Variants in USPL1 observed in about 807,000 individuals in gnomAD.
The protein encoded by USPL1 is SUMO-specific isopeptidase USPL1.
Under a neutral mutation model 51.5 loss-of-function variants are expected in USPL1, and 27 were observed. The observed-to-expected ratio is 0.52, with a 90% CI of 0.39 to 0.72. The LOEUF (loss-of-function observed/expected upper bound fraction) is 0.72. USPL1 is among the 30% of genes least tolerant of loss of function. The pLI is 0.00. For synonymous variants in USPL1, 451 were observed against 459.6 expected (o/e 0.98, Z 0.24); for missense variants, 1,226 against 1,268.0 (o/e 0.97, Z 0.50).
rs61682331 is a variant in USPL1 at position 30,633,784 on chromosome 13, CAAAAAAAAA to C, written c.868+2326_868+2334del. Among the ~76,000 whole-genome samples, 4 of 41,274 alleles carry C rather than the reference CAAAAAAAAA, an allele frequency of 9.7e-5. No individual in the cohort carries two copies. The East Asian group carries it at 2.6e-3, about 27-fold the overall frequency. The allele number at this position is 41,274 out of a possible 152,430, so 27.1% of individuals were successfully genotyped here. ...TGGGTGATAGAATGAGACTCTGTCT[CAAAAAAAAA>C]AAAAAAAAAAAAAAAGTAAAGTAAA... On this transcript the variant is annotated intron_variant, in intron 4 of 8. Transcript: ENST00000255304.
In USPL1 at chr13:30,631,359, A is replaced by G. The variant is rs1372402862; in HGVS notation, c.753A>G (p.Leu251=). The G allele has an allele frequency of 6.2e-7, 1 of 1,614,102 alleles. No individual in the cohort carries two copies. The highest frequency in any genetic ancestry group is 1.3e-5 in the African/African-American group (1 of 74,930). The stretch of plus-strand genomic sequence containing the variant: ...CAGCTTTGGTGCACTCGGAAGAGTT[A>G]AAGAACACCGTGACTGGACTGTGCT... The part of the protein sequence containing the change: ...ILSALVHSEE[L]KNTVTGLCSK... Residue 251 remains leucine (L), a synonymous_variant, in exon 4 of 9, where the codon TTA becomes TTG. Transcript: ENST00000255304.
chr13:30,653,705 C>G (rs1304838197), intron 8 of USPL1, among the ~76,000 whole-genome samples: 1 of 152,130 alleles, frequency 6.6e-6, no homozygotes, highest in Non-Finnish European at 1.5e-5. Flanking sequence ...AGTTTACTAA[C>G]AGCTACCATC....
intron 2 of USPL1, 107 bp downstream of exon 2, chr13:30,621,346 C>T (rs1302641840): frequency 3.8e-6 from 3 of 789,460 alleles, no homozygotes; most frequent in African/African-American, 3.5e-5. Context: ...AAAATTGTGT[C>T]TTCCACGGAA....
chr13:30,631,608 C>T (rs527575601), intron 4 of USPL1, 134 bp downstream of exon 4: 3 of 819,488 alleles, frequency 3.7e-6, no homozygotes, highest in African/African-American at 1.7e-5. Context: ...TCAGGTGGGC[C>T]TCCCACCTCA....
chr13:30,641,955 G>T (rs1174079295), intron 5 of USPL1, among the ~76,000 whole-genome samples: 1 of 151,340 alleles, frequency 6.6e-6, no homozygotes. Flanking sequence ...CACCCAGGCT[G>T]GTATGCAGCG....
chr13:30,655,419 CTT>C (rs1332513645), intron 8 of USPL1, among the ~76,000 whole-genome samples: 2 of 152,144 alleles, frequency 1.3e-5, no homozygotes, highest in African/African-American at 4.8e-5. Flanking sequence ...GGAAAGGTCT[CTT>C]TCTCCTTTCT....
chr13:30,642,546 A>ATAGT (rs1413132051), intron 5 of USPL1, 82 bp from the exon 6 acceptor site: 4 of 1,520,006 alleles, frequency 2.6e-6, no homozygotes, highest in African/African-American at 1.4e-5. Flanking sequence ...AAATATAGTA[A>ATAGT]GAAAAGACAA....
At chr13:30,629,166 T>C (rs1950763805) in intron 3 of USPL1, among the ~76,000 whole-genome samples, 1 of 152,196 alleles carries the variant, frequency 6.6e-6, no homozygotes, top group Non-Finnish European at 1.5e-5. Flanking sequence ...ATTTCAGTTA[T>C]CTGTTGGTGT....
intron 5 of USPL1, among the ~76,000 whole-genome samples, chr13:30,640,551 C>T (rs1398920724): frequency 1.3e-5 from 2 of 151,936 alleles, no homozygotes; most frequent in African/African-American, 4.8e-5. Flanking sequence ...ATTAGCCGGA[C>T]GTGGTGTAGG....
At chr13:30,624,761 A>G (rs984639584) in intron 3 of USPL1, among the ~76,000 whole-genome samples, 1 of 152,272 alleles carries the variant, frequency 6.6e-6, no homozygotes, top group African/African-American at 2.4e-5. Flanking sequence ...TACTTCTGAA[A>G]TACACAGAAA....
intron 5 of USPL1, 33 bp from the exon 6 acceptor site, chr13:30,642,595 T>C (rs1449405583): frequency 6.3e-7 from 1 of 1,591,782 alleles, no homozygotes; most frequent in Admixed American, 1.9e-5. Context: ...CATTATTGAT[T>C]ATGAGCAGTA....
intron 3 of USPL1, among the ~76,000 whole-genome samples, chr13:30,627,294 CAT>C (rs1324253929): frequency 6.6e-6 from 1 of 151,734 alleles, no homozygotes; most frequent in Non-Finnish European, 1.5e-5. Flanking sequence ...ATATTTAGAA[CAT>C]GTGGAAAGAG....
At chr13:30,627,975 C>A (rs1566047718) in intron 3 of USPL1, among the ~76,000 whole-genome samples, 1 of 151,428 alleles carries the variant, frequency 6.6e-6, no homozygotes, top group Non-Finnish European at 1.5e-5. Context: ...CCTGCGGGTT[C>A]AAGCAGTTCT....
chr13:30,647,155 T>A (rs887023000), intron 7 of USPL1, 98 bp downstream of exon 7: 2 of 1,309,444 alleles, frequency 1.5e-6, no homozygotes, highest in East Asian at 4.9e-5. Flanking sequence ...CAACTTACCT[T>A]TCTGAAATTT....
chr13:30,621,913 A>T, intron 3 of USPL1, 21 bp downstream of exon 3: 1 of 1,384,660 alleles, frequency 7.2e-7, no homozygotes. Flanking sequence ...AATCTTATAT[A>T]GTATATATAA....
chr13:30,658,091 G>C lies in USPL1; in HGVS notation c.2014G>C (p.Asp672His). 6.2e-7 allele frequency: 1 copy of C among 1,613,412 alleles called. No homozygotes were observed. Among genetic ancestry groups the C allele is most frequent in the South Asian group, 1.1e-5 (1 of 90,974 alleles). ...GCAGTCAGTACAGCTGAATACAGAA[G>C]ATACTGTAAATACTAAATCTGTGAA... ...NMQSVQLNTE[D>H]TVNTKSVNNT... The change falls in exon 9 of 9, where the codon GAT becomes CAT. Residue 672 changes from aspartate (D) to histidine (H), a missense_variant. Asp to His is a moderately conservative substitution (Grantham distance 81). Coordinates refer to ENST00000255304, the MANE Select transcript of USPL1 (RefSeq NM_005800.5).
chr13:30,643,276 A>G (rs1170536496), intron 6 of USPL1, among the ~76,000 whole-genome samples: 1 of 152,144 alleles, frequency 6.6e-6, no homozygotes, highest in African/African-American at 2.4e-5. Flanking sequence ...TGATCGATGT[A>G]CCTGTTACCT....
intron 5 of USPL1, among the ~76,000 whole-genome samples, chr13:30,641,041 C>T (rs1950940412): frequency 6.6e-6 from 1 of 152,142 alleles, no homozygotes; most frequent in Non-Finnish European, 1.5e-5. Flanking sequence ...GTTCTCAGAA[C>T]CGGGAGAATA....
At chr13:30,620,284 A>G (rs1320249063) in intron 1 of USPL1, among the ~76,000 whole-genome samples, 1 of 152,192 alleles carries the variant, frequency 6.6e-6, no homozygotes, top group Non-Finnish European at 1.5e-5. Context: ...CATTTCTGCT[A>G]AGTGGTAATT....
Sources: allele counts gnomAD v4.1 joint callset (sites outside exome capture counted in the v4.1 genomes callset), GRCh38; gene constraint gnomAD v4.1.1; transcripts MANE v1.5; gene names NCBI Gene and HGNC (gene_info 2026-07-23, HGNC 2026-07-21).